Variants in EML5 observed in about 807,000 individuals in gnomAD.
The protein encoded by EML5 is EMAP like 5.
Under a neutral mutation model 250.0 loss-of-function variants are expected in EML5, and 120 were observed. The observed-to-expected ratio is 0.48, with a 90% CI of 0.41 to 0.56. The LOEUF is 0.56. EML5 is among the 20% of genes least tolerant of loss of function. The pLI is 0.00. For synonymous variants in EML5, 771 were observed against 806.5 expected, an observed-to-expected ratio of 0.96 and a Z score of 0.75; for missense variants, 2,006 against 2,437.6, an observed-to-expected ratio of 0.82 and a Z score of 3.73.
intron 8 of EML5, among the ~76,000 whole-genome samples, chr14:88,719,730 G>A (rs2093560634): frequency 6.6e-6 from 1 of 151,630 alleles, no homozygotes; most frequent in African/African-American, 2.4e-5. Context: ...TGGTGGAAAA[G>A]GACTTTCCAA....
chr14:88,668,435 A>G (rs1445776050), intron 21 of EML5, among the ~76,000 whole-genome samples: 2 of 149,442 alleles, frequency 1.3e-5, no homozygotes, highest in African/African-American at 2.5e-5. Context: ...AGTATTTCAG[A>G]AAAAAAAAAG....
chr14:88,768,572 G>A (rs1188243907), intron 1 of EML5, among the ~76,000 whole-genome samples: 1 of 151,930 alleles, frequency 6.6e-6, no homozygotes, highest in Non-Finnish European at 1.5e-5. Context: ...CTCCACACCT[G>A]GCTAATTTTT....
At chr14:88,739,376 G>A (rs1329890531) in intron 5 of EML5, among the ~76,000 whole-genome samples, 1 of 152,116 alleles carries the variant, frequency 6.6e-6, no homozygotes, top group Non-Finnish European at 1.5e-5. Context: ...CAAGACTTGA[G>A]TATGTGTAGA....
chr14:88,695,109 C>T (rs1048845463), intron 16 of EML5, among the ~76,000 whole-genome samples: 1 of 151,960 alleles, frequency 6.6e-6, no homozygotes, highest in African/African-American at 2.4e-5. Flanking sequence ...TCTAACTGTA[C>T]GTGGAGATTT....
chr14:88,618,405 A>T (rs2088129407), intron 40 of EML5, 74 bp from the exon 41 acceptor site: 2 of 1,303,208 alleles, frequency 1.5e-6, no homozygotes, highest in South Asian at 2.4e-5. Flanking sequence ...TTTACAGAAT[A>T]CTAGCATATT....
intron 1 of EML5, among the ~76,000 whole-genome samples, chr14:88,771,340 A>G (rs1475747768): frequency 6.6e-6 from 1 of 152,188 alleles, no homozygotes; most frequent in East Asian, 1.9e-4. Context: ...GAAATTCACT[A>G]ATCTAACTGT....
chr14:88,728,717 T>G (rs2093706029), intron 7 of EML5, among the ~76,000 whole-genome samples: 1 of 152,134 alleles, frequency 6.6e-6, no homozygotes, highest in Admixed American at 6.6e-5. Context: ...CAAACCTGTG[T>G]TGTTCAAGGA....
rs1555374466 is a variant in EML5, at chr14:88,759,698, A to AAAACAAAAAAAC, written c.198-5028_198-5027insGTTTTTTTGTTT. On this transcript the variant is annotated intron_variant, in intron 1 of 43. Coordinates refer to ENST00000554922, the MANE Select transcript of EML5 (RefSeq NM_183387.3). Reference sequence around the variant, plus strand: ...GTCACCATCTCTTAAAAAAAAAAAAAAAAAAACTGGGGAGAAAAACTATGC... The same window carrying AAAACAAAAAAAC: ...GTCACCATCTCTTAAAAAAAAAAAAAAAACAAAAAAACAAAAAACTGGGGAGAAAAACTATGC... 6.0e-4 allele frequency among the ~76,000 whole-genome samples: 85 copies of AAAACAAAAAAAC among 142,204 alleles called. 1 individual carries two copies. The East Asian group carries it at 0.015, about 24-fold the overall frequency. The allele number at this position is 142,204 out of a possible 152,430, so 93.3% of individuals were successfully genotyped here. A position where few individuals can be genotyped will look rare whatever the true frequency, so the allele number is the denominator to read the frequency against.
intron 1 of EML5, among the ~76,000 whole-genome samples, chr14:88,756,012 T>A (rs1468338696): frequency 2.6e-5 from 4 of 152,056 alleles, no homozygotes; most frequent in African/African-American, 9.7e-5. Flanking sequence ...CCAGATCCTG[T>A]CTCTAAAGTA....
intron 8 of EML5, among the ~76,000 whole-genome samples, 187 bp downstream of exon 8, chr14:88,726,354 T>C (rs1417757192): frequency 6.6e-6 from 1 of 152,174 alleles, no homozygotes; most frequent in East Asian, 1.9e-4. Flanking sequence ...ACAAAGCTAT[T>C]TTTATAAATA....
chr14:88,651,933 G>A (rs1157562585), intron 27 of EML5, among the ~76,000 whole-genome samples: 2 of 152,006 alleles, frequency 1.3e-5, no homozygotes, highest in African/African-American at 2.4e-5. Flanking sequence ...TATACCATAA[G>A]TTAGGGATTA....
intron 1 of EML5, among the ~76,000 whole-genome samples, chr14:88,760,920 T>C (rs556689249): frequency 6.6e-6 from 1 of 152,298 alleles, no homozygotes; most frequent in Non-Finnish European, 1.5e-5. Context: ...TTGTAGACAG[T>C]ATTGCTGTAA....
intron 1 of EML5, among the ~76,000 whole-genome samples, chr14:88,769,526 A>T (rs919051150): frequency 2.0e-5 from 3 of 152,230 alleles, no homozygotes; most frequent in Non-Finnish European, 4.4e-5. Context: ...ACAGGTGTTT[A>T]GAGAAAAGAC....
intron 35 of EML5, 22 bp downstream of exon 35, chr14:88,626,814 CTA>C (rs1223154796): frequency 6.2e-7 from 1 of 1,611,390 alleles, no homozygotes; most frequent in Non-Finnish European, 8.5e-7. Flanking sequence ...CAAAGTCACA[CTA>C]TGTGCATTTT....
intron 30 of EML5, among the ~76,000 whole-genome samples, chr14:88,644,195 C>T (rs1344194971): frequency 1.3e-5 from 2 of 152,080 alleles, no homozygotes; most frequent in African/African-American, 2.4e-5. Context: ...TAGGACTCCT[C>T]TGAGATACAG....
At position 88,660,678 on chromosome 14, in the gene EML5, GGT is replaced by G. The variant is rs2092060595; in HGVS notation, c.3675+974_3675+975del. ...GAATAGCTTGAACCCGGGAGGTGGA[GGT>G]TGCAGTGAGCCTAGATCATGCCACT... is the stretch of plus-strand genomic sequence containing the variant. On this transcript the variant is annotated intron_variant, in intron 25 of 43. Coordinates refer to ENST00000554922, the MANE Select transcript of EML5 (RefSeq NM_183387.3). Among the ~76,000 whole-genome samples, 11 of 151,996 alleles carry G rather than the reference GGT, an allele frequency of 7.2e-5. No homozygotes were observed. In the South Asian group the frequency reaches 2.3e-3, roughly 32 times the overall value.
intron 26 of EML5, 80 bp downstream of exon 26, chr14:88,658,107 C>T (rs1293487964): frequency 1.4e-6 from 2 of 1,392,222 alleles, no homozygotes; most frequent in East Asian, 2.3e-5. Flanking sequence ...ATTATTATTA[C>T]TTGCTTTAAC....
intron 7 of EML5, among the ~76,000 whole-genome samples, chr14:88,729,879 T>TTTTC (rs2093728105): frequency 6.6e-6 from 1 of 151,658 alleles, no homozygotes; most frequent in African/African-American, 2.4e-5. Flanking sequence ...TGTTTTTTTT[T>TTTTC]TTTGTTTTTT....
chr14:88,700,770 C>T lies in EML5; in HGVS notation c.2238+1676G>A, dbSNP rs137914608. Among the ~76,000 whole-genome samples the T allele has an allele frequency of 1.3e-3, 203 of 152,190 alleles. 1 individual carries two copies. Among genetic ancestry groups the T allele is most frequent in the African/African-American group, 4.3e-3 (180 of 41,526 alleles). On this transcript the variant is annotated intron_variant, in intron 14 of 43. Transcript: ENST00000554922. ...AACGTTTCTCAGAAAGTGCCTGTAC[C>T]GGAAAGGTTAGATCGTAAACCATTA...
Sources: gnomAD v4.1 joint callset for allele counts (sites outside exome capture counted in the v4.1 genomes callset) on GRCh38, gnomAD v4.1.1 for gene constraint, MANE v1.5 for transcripts, NCBI Gene and HGNC (gene_info 2026-07-23, HGNC 2026-07-21) for gene names.